WDPCP: variants seen among roughly 807,000 people sequenced by gnomAD.
WDPCP encodes the protein WD repeat-containing and planar cell polarity effector protein fritz homolog.
In WDPCP, 71 loss-of-function variants were observed where a neutral mutation model predicts 93.1. The observed-to-expected ratio is 0.76, with a 90% CI of 0.63 to 0.93. The LOEUF is 0.93. Among genes scored for constraint, WDPCP ranks in the 40% least tolerant of loss-of-function variants. The pLI is 0.00. For synonymous variants in WDPCP, 315 were observed against 315.0 expected (o/e 1.00, Z 0.00); for missense variants, 844 against 887.4 (o/e 0.95, Z 0.62).
intron 13 of WDPCP, among the ~76,000 whole-genome samples, chr2:63,271,276 TGAG>T (rs1288365466): frequency 6.6e-6 from 1 of 152,206 alleles, no homozygotes; most frequent in Non-Finnish European, 1.5e-5. Flanking sequence ...CACATACCTT[TGAG>T]GAGCCCAGAG....
intron 14 of WDPCP, among the ~76,000 whole-genome samples, chr2:63,231,091 A>G (rs981365251): frequency 1.3e-5 from 2 of 152,230 alleles, no homozygotes; most frequent in Admixed American, 1.3e-4. Flanking sequence ...GGCTGGTTCA[A>G]TATATGCAAA....
intron 2 of WDPCP, among the ~76,000 whole-genome samples, chr2:63,736,310 A>G (rs753688395): frequency 3.9e-5 from 6 of 152,030 alleles, no homozygotes; most frequent in Non-Finnish European, 8.8e-5. Context: ...TGACTCCATC[A>G]GAAAATTGGA....
intron 2 of WDPCP, among the ~76,000 whole-genome samples, chr2:63,776,007 T>C (rs1262029586): frequency 5.3e-5 from 8 of 151,994 alleles, no homozygotes; most frequent in Non-Finnish European, 1.2e-4. Context: ...GAGGCTGCAG[T>C]GAGCTATGAT....
At chr2:63,274,244 T>C (rs930922885) in intron 13 of WDPCP, among the ~76,000 whole-genome samples, 1 of 152,008 alleles carries the variant, frequency 6.6e-6, no homozygotes, top group Non-Finnish European at 1.5e-5. Flanking sequence ...TGTTCCTCAA[T>C]GACCCCTGAA....
chr2:63,401,008 G>A (rs763725983), intron 10 of WDPCP, among the ~76,000 whole-genome samples: 7 of 151,978 alleles, frequency 4.6e-5, no homozygotes, highest in Non-Finnish European at 1.0e-4. Flanking sequence ...AATGGATAAA[G>A]GACTTAAATG....
At chr2:63,138,421 G>A (rs1670796193) in intron 17 of WDPCP, among the ~76,000 whole-genome samples, 1 of 151,150 alleles carries the variant, frequency 6.6e-6, no homozygotes, top group African/African-American at 2.4e-5. Flanking sequence ...TACGTTATTG[G>A]GTACAGGTGG....
At chr2:63,503,472 T>G (rs1701681179) in intron 1 of WDPCP, among the ~76,000 whole-genome samples, 1 of 152,132 alleles carries the variant, frequency 6.6e-6, no homozygotes. Flanking sequence ...TATCAGGCAT[T>G]GGGGGGAGGT....
intron 12 of WDPCP, among the ~76,000 whole-genome samples, chr2:63,364,709 A>T (rs1690756967): frequency 6.6e-6 from 1 of 152,224 alleles, no homozygotes; most frequent in African/African-American, 2.4e-5. Flanking sequence ...GCTAGGACCT[A>T]TGAAGTCATT....
At chr2:63,392,201 G>C (rs1032484440) in intron 10 of WDPCP, among the ~76,000 whole-genome samples, 2 of 152,116 alleles carry the variant, frequency 1.3e-5, no homozygotes, top group Admixed American at 6.6e-5. Context: ...TAGACCAATG[G>C]AACAGAACAG....
intron 12 of WDPCP, among the ~76,000 whole-genome samples, chr2:63,366,979 T>C (rs1173076587): frequency 1.3e-5 from 2 of 151,962 alleles, no homozygotes; most frequent in Admixed American, 6.6e-5. Context: ...TTAAATGTGA[T>C]CATGTTTATA....
chr2:63,479,394 T>C (rs756330271), intron 6 of WDPCP, among the ~76,000 whole-genome samples: 12 of 152,038 alleles, frequency 7.9e-5, no homozygotes, highest in Non-Finnish European at 1.6e-4. Flanking sequence ...AAAAGAACAC[T>C]ACAGACCAAT....
At chr2:63,814,351 GAA>G (rs1049956433) in intron 1 of WDPCP, among the ~76,000 whole-genome samples, 1 of 144,716 alleles carries the variant, frequency 6.9e-6, no homozygotes, top group Non-Finnish European at 1.5e-5. Context: ...TTCCTGGTTT[GAA>G]AAAAAAAAAG....
chr2:63,586,997 G>C (rs1346841917), intron 1 of WDPCP, among the ~76,000 whole-genome samples: 1 of 152,136 alleles, frequency 6.6e-6, no homozygotes, highest in South Asian at 2.1e-4. Context: ...ATTTACATTA[G>C]GTAAAATCAT....
At chr2:63,721,698 C>G (rs1444058146) in intron 2 of WDPCP, among the ~76,000 whole-genome samples, 2 of 150,092 alleles carry the variant, frequency 1.3e-5, no homozygotes, top group Admixed American at 6.6e-5. Context: ...CCTGCCCTCC[C>G]GCTCCCCCTG....
intron 1 of WDPCP, among the ~76,000 whole-genome samples, chr2:63,554,478 C>G (rs1326002800): frequency 6.6e-6 from 1 of 151,890 alleles, no homozygotes; most frequent in African/African-American, 2.4e-5. Flanking sequence ...GTGGCAAAAC[C>G]CCATCTCTAT....
At chr2:63,677,679 T>C (rs1028882174) in intron 2 of WDPCP, among the ~76,000 whole-genome samples, 5 of 152,148 alleles carry the variant, frequency 3.3e-5, no homozygotes, top group Non-Finnish European at 7.4e-5. Flanking sequence ...AAAAGAAAAT[T>C]ACTACCGACC....
At chr2:63,808,576 G>A (rs923717971) in intron 2 of WDPCP, among the ~76,000 whole-genome samples, 5 of 152,298 alleles carry the variant, frequency 3.3e-5, no homozygotes, top group South Asian at 2.1e-4. Flanking sequence ...GCTCCTAACC[G>A]CCAGTGATCC....
At chr2:63,643,491 C>T in intron 3 of WDPCP, 1 of 368,476 alleles carries the variant, frequency 2.7e-6, no homozygotes, top group Non-Finnish European at 5.3e-6. Context: ...GGTTAGCACC[C>T]CTCAGTCACC....
At chr2:63,576,810 G>A (rs1374027478) in intron 1 of WDPCP, among the ~76,000 whole-genome samples, 1 of 152,114 alleles carries the variant, frequency 6.6e-6, no homozygotes, top group Non-Finnish European at 1.5e-5. Context: ...CCAAGGGTTT[G>A]GGTTGTTGTG....
Sources: gnomAD v4.1 joint callset for allele counts (sites outside exome capture counted in the v4.1 genomes callset) on GRCh38, gnomAD v4.1.1 for gene constraint, MANE v1.5 for transcripts, NCBI Gene and HGNC (gene_info 2026-07-23, HGNC 2026-07-21) for gene names.